The following TUSC3 variants were observed in gnomAD, a reference collection of about 807,000 sequenced individuals.
The protein encoded by TUSC3 is tumor suppressor candidate 3, also known as dolichyl-diphosphooligosaccharide--protein glycosyltransferase subunit TUSC3.
Under a neutral mutation model 44.8 loss-of-function variants are expected in TUSC3, and 45 were observed. The observed-to-expected ratio is 1.00, with a 90% confidence interval of 0.79 to 1.29. TUSC3 has a LOEUF of 1.29. Among genes scored for constraint, TUSC3 ranks in the 50% most tolerant of loss-of-function variants. TUSC3 has a pLI of 0.00. For missense variants in TUSC3, 519 were observed against 437.9 expected, an observed-to-expected ratio of 1.19 and a Z score of -1.65; for synonymous variants, 212 against 152.9, an observed-to-expected ratio of 1.39 and a Z score of -2.85.
chr8:15,556,006 T>G (rs1385758118), intron 1 of TUSC3, among the ~76,000 whole-genome samples: 6 of 151,196 alleles, frequency 4.0e-5, no homozygotes, highest in Admixed American at 3.3e-4. Context: ...TTTTTATTTT[T>G]TATTTTTTTT....
At chr8:15,517,068 C>T (rs1012023229) in intron 2 of TUSC3, among the ~76,000 whole-genome samples, 5 of 152,174 alleles carry the variant, frequency 3.3e-5, no homozygotes, top group South Asian at 2.1e-4. Context: ...TACCCATGAC[C>T]GACGTCACTA....
At chr8:15,624,642 T>C (rs1003953407) in intron 2 of TUSC3, among the ~76,000 whole-genome samples, 1 of 152,348 alleles carries the variant, frequency 6.6e-6, no homozygotes, top group South Asian at 2.1e-4. Flanking sequence ...CTTCTGCCCC[T>C]TTCTAATTGG....
rs79712241 is a variant in TUSC3 at position 15,715,195 on chromosome 8, A to C, written c.799-15471A>C. ...GAAATCTCAGATAGTACCAAACTCT[A>C]TATATATTGTGTTTTTTCCTAAACA... On this transcript the variant is annotated intron_variant, in intron 6 of 10. Transcript: ENST00000503731. 1.1e-3 allele frequency among the ~76,000 whole-genome samples: 169 copies of C among 152,240 alleles called. 4 individuals carry two copies. The East Asian group carries it at 0.026, about 24-fold the overall frequency.
intron 1 of TUSC3, among the ~76,000 whole-genome samples, chr8:15,443,787 C>T (rs1285181893): frequency 6.6e-6 from 1 of 152,098 alleles, no homozygotes; most frequent in Admixed American, 6.5e-5. Context: ...CTAAGCTGCT[C>T]CAGGATTAGT....
intron 1 of TUSC3, among the ~76,000 whole-genome samples, chr8:15,613,080 T>TATATAA (rs397704316): frequency 6.8e-6 from 1 of 146,078 alleles, no homozygotes; most frequent in African/African-American, 2.6e-5. Context: ...TATATATATA[T>TATATAA]CATATATATG....
chr8:15,680,093 G>C (rs952842024), intron 6 of TUSC3, among the ~76,000 whole-genome samples: 4 of 143,874 alleles, frequency 2.8e-5, no homozygotes, highest in Admixed American at 2.7e-4. Context: ...ATGAATTTTA[G>C]AATAGCTTTT....
At chr8:15,564,925 CAG>C (rs1245689521) in intron 1 of TUSC3, among the ~76,000 whole-genome samples, 1 of 152,142 alleles carries the variant, frequency 6.6e-6, no homozygotes, top group East Asian at 1.9e-4. Context: ...CTGTTCTTTA[CAG>C]AGAGCTGAGG....
At chr8:15,422,885 C>A (rs1799755008) in intron 1 of TUSC3, among the ~76,000 whole-genome samples, 1 of 152,066 alleles carries the variant, frequency 6.6e-6, no homozygotes, top group Non-Finnish European at 1.5e-5. Context: ...TCTAGTGATC[C>A]ACCCAACTCG....
the TUSC3 span, among the ~76,000 whole-genome samples, chr8:15,815,823 A>G: frequency 0.35 from 52,547 of 152,008 alleles, 10,130 homozygotes; most frequent in African/African-American, 0.51. Context: ...TCTAAAGGTG[A>G]GAGCTACAAA....
In TUSC3 at chr8:15,610,108, G is replaced by A. The variant is rs1015547353; in HGVS notation, c.139-12972G>A. Among the ~76,000 whole-genome samples, 4 of 152,144 alleles carry A rather than the reference G, an allele frequency of 2.6e-5. No homozygotes were observed. In the South Asian group the frequency reaches 8.3e-4, roughly 32 times the overall value. ...AAATTTTTAAGGTATATTAAGAAAGGTATGATGAATAAATTATAATCAGTT... is the reference window on the plus strand; with the variant it reads ...AAATTTTTAAGGTATATTAAGAAAGATATGATGAATAAATTATAATCAGTT... On this transcript the variant is annotated intron_variant, in intron 1 of 10. Coordinates refer to ENST00000503731, the MANE Select transcript of TUSC3 (RefSeq NM_006765.4).
intron 2 of TUSC3, among the ~76,000 whole-genome samples, chr8:15,525,589 G>A (rs1801362455): frequency 6.6e-6 from 1 of 152,090 alleles, no homozygotes; most frequent in South Asian, 2.1e-4. Flanking sequence ...GTGGTCCTGA[G>A]AACAAAAAAG....
intron 1 of TUSC3, among the ~76,000 whole-genome samples, chr8:15,561,004 C>T (rs1174673472): frequency 4.6e-5 from 6 of 131,180 alleles, no homozygotes; most frequent in Non-Finnish European, 9.8e-5. Flanking sequence ...TCTCTCAGCT[C>T]GTCAAAGTCA....
chr8:15,617,066 C>A (rs139555074), intron 1 of TUSC3, among the ~76,000 whole-genome samples: 1 of 151,114 alleles, frequency 6.6e-6, no homozygotes, highest in African/African-American at 2.4e-5. Context: ...AATAGATGTA[C>A]ACTAATCCAC....
chr8:15,749,012 A>G (rs182137106), intron 9 of TUSC3, among the ~76,000 whole-genome samples: 5 of 152,288 alleles, frequency 3.3e-5, no homozygotes, highest in Admixed American at 1.3e-4. Flanking sequence ...TTACCAAACT[A>G]TAGTTTCAGT....
intron 1 of TUSC3, among the ~76,000 whole-genome samples, chr8:15,566,444 G>A (rs1802675371): frequency 6.6e-6 from 1 of 152,048 alleles, no homozygotes; most frequent in Non-Finnish European, 1.5e-5. Flanking sequence ...TTAAGATGAG[G>A]GGGCCTAAGT....
chr8:15,563,466 T>A (rs1361510419), intron 1 of TUSC3, among the ~76,000 whole-genome samples: 4 of 151,884 alleles, frequency 2.6e-5, no homozygotes, highest in Non-Finnish European at 5.9e-5. Context: ...GGTGGGCGGA[T>A]CACAAGGTCA....
chr8:15,800,585 A>G, the TUSC3 span, among the ~76,000 whole-genome samples: 272 of 151,958 alleles, frequency 1.8e-3, 6 homozygotes, highest in East Asian at 0.045. Context: ...AAAAAAAAAA[A>G]AAAGAAAGAA....
the TUSC3 span, among the ~76,000 whole-genome samples, chr8:15,843,508 A>T: frequency 6.6e-6 from 1 of 151,760 alleles, no homozygotes; most frequent in Non-Finnish European, 1.5e-5. Flanking sequence ...AGTTGGATAG[A>T]AGAGATAAAG....
chr8:15,555,276 A>ATTTTT lies in TUSC3; in HGVS notation c.138+14739_138+14743dup, dbSNP rs35757466. ...GTTCATGTGCCACCATGCCAGGCTA[A>ATTTTT]TTTTTTTTTTTTTTTTTTTTTTTTT... is the stretch of plus-strand genomic sequence containing the variant. On this transcript the variant is annotated intron_variant, in intron 1 of 10. Coordinates refer to ENST00000503731, the MANE Select transcript of TUSC3 (RefSeq NM_006765.4). Among the ~76,000 whole-genome samples the ATTTTT allele has an allele frequency of 2.0e-3, 89 of 44,890 alleles. 20 individuals carry two copies. The highest frequency in any genetic ancestry group is 4.8e-3 in the African/African-American group (44 of 9,144). The allele number at this position is 44,890 out of a possible 152,430, so 29.4% of individuals were successfully genotyped here.
Sources: gnomAD v4.1 joint callset for allele counts (sites outside exome capture counted in the v4.1 genomes callset) on GRCh38, gnomAD v4.1.1 for gene constraint, MANE v1.5 for transcripts, NCBI Gene and HGNC (gene_info 2026-07-23, HGNC 2026-07-21) for gene names.